The following LUZP2 variants were observed in gnomAD, a reference collection of about 807,000 sequenced individuals.
LUZP2 encodes leucine zipper protein 2.
Under a neutral mutation model 51.6 loss-of-function variants are expected in LUZP2, and 52 were observed. That is an observed-to-expected ratio of 1.01 (90% CI 0.81 to 1.27). LUZP2 has a LOEUF of 1.27. LUZP2 is among the 50% of genes most tolerant of loss of function. The pLI is 0.00. For synonymous variants in LUZP2, 154 were observed against 137.3 expected (o/e 1.12, Z -0.85); for missense variants, 436 against 395.4 (o/e 1.10, Z -0.87).
At chr11:24,526,860 C>A (rs1509607) in intron 1 of LUZP2, among the ~76,000 whole-genome samples, 101,045 of 150,904 alleles carry the variant, frequency 0.67, 35,823 homozygotes, top group East Asian at 0.79. Context: ...GTTCTCAGCA[C>A]AAAGCAGCAA....
rs114807556 is a variant in LUZP2 at position 24,928,765 on chromosome 11, T to A, written c.522+14227T>A. On this transcript the variant is annotated intron_variant, in intron 7 of 11. Transcript: ENST00000336930. ...ATAGAATGATTTAGAGTGGATTTCC[T>A]CTTTCTTAACATTTTGGAATAGTGC... Among the ~76,000 whole-genome samples the A allele has an allele frequency of 3.2e-3, 488 of 152,268 alleles. 3 individuals are homozygous for A. Among genetic ancestry groups the A allele is most frequent in the African/African-American group, 0.011 (450 of 41,574 alleles).
chr11:24,994,146 A>G (rs1372517321), intron 9 of LUZP2, among the ~76,000 whole-genome samples: 1 of 141,986 alleles, frequency 7.0e-6, no homozygotes, highest in Non-Finnish European at 1.5e-5. Context: ...GGCTTGAGCC[A>G]CTGCACCTGG....
At chr11:24,769,598 G>T (rs959711735) in intron 5 of LUZP2, among the ~76,000 whole-genome samples, 1 of 151,672 alleles carries the variant, frequency 6.6e-6, no homozygotes, top group East Asian at 1.9e-4. Context: ...AACACATTCT[G>T]TCTTGAATTA....
At chr11:24,913,449 T>G (rs1337470893) in intron 6 of LUZP2, among the ~76,000 whole-genome samples, 1 of 152,156 alleles carries the variant, frequency 6.6e-6, no homozygotes, top group Non-Finnish European at 1.5e-5. Context: ...TTTATCTAGC[T>G]TTTGGCTATT....
intron 7 of LUZP2, among the ~76,000 whole-genome samples, chr11:24,940,885 A>G (rs551350115): frequency 7.2e-5 from 11 of 152,288 alleles, no homozygotes; most frequent in Admixed American, 5.2e-4. Context: ...AGGTATGTGA[A>G]TCTACAAACT....
intron 1 of LUZP2, among the ~76,000 whole-genome samples, chr11:24,581,922 T>C (rs932246195): frequency 6.6e-5 from 10 of 152,000 alleles, no homozygotes; most frequent in Admixed American, 6.6e-5. Context: ...ATGGAGCAAA[T>C]ACTTGGGCTT....
intron 5 of LUZP2, among the ~76,000 whole-genome samples, chr11:24,855,199 T>G (rs1851521697): frequency 6.6e-6 from 1 of 152,156 alleles, no homozygotes; most frequent in Non-Finnish European, 1.5e-5. Flanking sequence ...TTATCTCTGT[T>G]TGCTGTGAAA....
chr11:24,995,157 G>A (rs1439721515), intron 9 of LUZP2, among the ~76,000 whole-genome samples: 1 of 152,134 alleles, frequency 6.6e-6, no homozygotes, highest in African/African-American at 2.4e-5. Context: ...TGGAGGCCGA[G>A]GCAGGTGAGC....
chr11:24,742,731 G>A (rs1023499695), intron 4 of LUZP2, among the ~76,000 whole-genome samples: 2 of 151,928 alleles, frequency 1.3e-5, no homozygotes, highest in Non-Finnish European at 2.9e-5. Flanking sequence ...TGTTTTTATT[G>A]CGTTTGCTTT....
At chr11:24,740,388 C>G (rs547215139) in intron 4 of LUZP2, among the ~76,000 whole-genome samples, 1 of 152,104 alleles carries the variant, frequency 6.6e-6, no homozygotes, top group Non-Finnish European at 1.5e-5. Flanking sequence ...TCACCTTTGC[C>G]TTCATCTCAG....
intron 1 of LUZP2, among the ~76,000 whole-genome samples, chr11:24,514,004 A>G (rs1249839309): frequency 6.6e-6 from 1 of 152,222 alleles, no homozygotes; most frequent in African/African-American, 2.4e-5. Flanking sequence ...TTCCCTGGCT[A>G]TGTTCTATAA....
intron 10 of LUZP2, among the ~76,000 whole-genome samples, chr11:25,061,980 C>A (rs538012721): frequency 6.6e-6 from 1 of 151,720 alleles, no homozygotes; most frequent in East Asian, 1.9e-4. Flanking sequence ...GCCCGACATG[C>A]CAGCTATACA....
chr11:24,526,004 C>A (rs145193238), intron 1 of LUZP2, among the ~76,000 whole-genome samples: 1 of 151,262 alleles, frequency 6.6e-6, no homozygotes, highest in Non-Finnish European at 1.5e-5. Context: ...AGACACCAGA[C>A]CAAAATAGCA....
chr11:24,579,594 G>T (rs7123246), intron 1 of LUZP2, among the ~76,000 whole-genome samples: 148,245 of 152,114 alleles, frequency 0.97, 72,326 homozygotes, highest in East Asian at 1. Context: ...GACTACTGAT[G>T]TATAGTAGAA....
chr11:24,710,760 A>G (rs918443817), intron 1 of LUZP2, among the ~76,000 whole-genome samples: 1 of 151,734 alleles, frequency 6.6e-6, no homozygotes, highest in Non-Finnish European at 1.5e-5. Flanking sequence ...AATTTATCAC[A>G]TTTTTTTTGC....
intron 10 of LUZP2, among the ~76,000 whole-genome samples, chr11:25,062,931 A>T (rs937033520): frequency 1.3e-5 from 2 of 151,582 alleles, no homozygotes; most frequent in Admixed American, 6.6e-5. Context: ...TATTTCTGTT[A>T]TACAAATCAC....
intron 9 of LUZP2, among the ~76,000 whole-genome samples, chr11:25,011,544 T>C (rs934575575): frequency 2.6e-5 from 4 of 152,154 alleles, no homozygotes; most frequent in African/African-American, 4.8e-5. Flanking sequence ...GTTCAGGCCA[T>C]TTAGTTTTCT....
chr11:24,976,526 C>A, intron 7 of LUZP2, 65 bp from the exon 8 acceptor site: 3 of 1,001,256 alleles, frequency 3.0e-6, no homozygotes, highest in South Asian at 1.7e-5. Flanking sequence ...CAATATATGA[C>A]AGATGCTTAA....
chr11:24,799,450 G>A (rs567536459), intron 5 of LUZP2, among the ~76,000 whole-genome samples: 38 of 152,144 alleles, frequency 2.5e-4, no homozygotes, highest in Admixed American at 1.1e-3. Context: ...ACAAAAATTA[G>A]CCAGGTGTGG....
Sources: allele counts gnomAD v4.1 joint callset (sites outside exome capture counted in the v4.1 genomes callset), GRCh38; gene constraint gnomAD v4.1.1; transcripts MANE v1.5; gene names NCBI Gene and HGNC (gene_info 2026-07-23, HGNC 2026-07-21).